The following RUBCN variants were observed in gnomAD, a reference collection of about 807,000 sequenced individuals.
RUBCN encodes the protein rubicon autophagy regulator, also known as run domain Beclin-1-interacting and cysteine-rich domain-containing protein.
In RUBCN, 74 loss-of-function variants were observed where a neutral mutation model predicts 113.2. The ratio of observed to expected loss-of-function variants is 0.65; its 90% confidence interval spans 0.54 to 0.79. The LOEUF (loss-of-function observed/expected upper bound fraction) is 0.79, where lower values mean the gene tolerates loss of function less well. Among genes scored for constraint, RUBCN ranks in the 30% least tolerant of loss-of-function variants. RUBCN has a pLI of 0.00. For missense variants in RUBCN, 1,109 were observed against 1,251.7 expected (o/e 0.89, Z 1.72); for synonymous variants, 480 against 490.0 (o/e 0.98, Z 0.27).
chr3:197,697,165 G>A (rs1723105974), intron 7 of RUBCN, 116 bp from the exon 8 acceptor site: 1 of 682,658 alleles, frequency 1.5e-6, no homozygotes, highest in South Asian at 1.5e-5. Context: ...TCCCAAGCAG[G>A]AGAGAGGCGG....
intron 1 of RUBCN, among the ~76,000 whole-genome samples, chr3:197,726,543 G>A (rs997561423): frequency 1.4e-5 from 2 of 145,086 alleles, no homozygotes; most frequent in Admixed American, 7.0e-5. Context: ...ACCGCGTCCA[G>A]CCTATTTTAT....
chr3:197,725,825 C>CTCCTTAG (rs1329115064), intron 1 of RUBCN, among the ~76,000 whole-genome samples: 2 of 152,174 alleles, frequency 1.3e-5, no homozygotes, highest in Admixed American at 6.5e-5. Flanking sequence ...AACCTAACCA[C>CTCCTTAG]CAACAAACTC....
At chr3:197,713,040 G>C (rs1725131638) in intron 2 of RUBCN, among the ~76,000 whole-genome samples, 1 of 152,022 alleles carries the variant, frequency 6.6e-6, no homozygotes, top group South Asian at 2.1e-4. Flanking sequence ...TGTATTTTCA[G>C]TAGAGATGGG....
chr3:197,697,184 C>T (rs185040902), intron 7 of RUBCN, 135 bp from the exon 8 acceptor site: 10 of 669,884 alleles, frequency 1.5e-5, no homozygotes, highest in African/African-American at 7.1e-5. Context: ...GGCACACCAA[C>T]GGAACAGCCC....
At chr3:197,686,426 G>A (rs572740148) in intron 11 of RUBCN, among the ~76,000 whole-genome samples, 2 of 152,180 alleles carry the variant, frequency 1.3e-5, no homozygotes, top group African/African-American at 2.4e-5. Context: ...AGCTTCGGAG[G>A]CAAGGCTCTG....
chr3:197,701,586 C>G, intron 6 of RUBCN, 122 bp downstream of exon 6: 2 of 807,244 alleles, frequency 2.5e-6, no homozygotes, highest in Admixed American at 4.2e-5. Context: ...GTAAAGATGT[C>G]CCTTATTAAG....
At chr3:197,699,391 T>C (rs77070468) in intron 7 of RUBCN, among the ~76,000 whole-genome samples, 4,258 of 152,326 alleles carry the variant, frequency 0.028, 120 homozygotes, top group African/African-American at 0.073. Flanking sequence ...CAAGAAGCTG[T>C]GCGTGACCCA....
chr3:197,691,158 A>G (rs549538435), intron 11 of RUBCN: 7 of 1,256,312 alleles, frequency 5.6e-6, no homozygotes, highest in East Asian at 1.1e-4. Context: ...TCTGTGTAAT[A>G]ATGATGATAA....
intron 1 of RUBCN, among the ~76,000 whole-genome samples, chr3:197,721,882 T>C (rs936082838): frequency 1.3e-5 from 2 of 152,178 alleles, no homozygotes; most frequent in African/African-American, 4.8e-5. Flanking sequence ...TTCCACATAT[T>C]TGTATAGTTT....
chr3:197,721,951 T>G (rs536722338), intron 1 of RUBCN, among the ~76,000 whole-genome samples: 1 of 152,150 alleles, frequency 6.6e-6, no homozygotes, highest in Non-Finnish European at 1.5e-5. Context: ...CAAAAGATAC[T>G]TGAATGGCCG....
chr3:197,679,854 AC>A (rs1176186273), intron 16 of RUBCN, among the ~76,000 whole-genome samples: 2 of 139,486 alleles, frequency 1.4e-5, no homozygotes, highest in African/African-American at 5.4e-5. Flanking sequence ...AGACTGTCCT[AC>A]GCTCTGACAA....
intron 6 of RUBCN, 37 bp from the exon 7 acceptor site, chr3:197,701,183 T>C: frequency 2.0e-6 from 3 of 1,482,034 alleles, no homozygotes; most frequent in Middle Eastern, 1.9e-4. Flanking sequence ...GGAGCAAGGG[T>C]GAGGTGGAAT....
At chr3:197,708,914 G>A (rs555173896) in intron 2 of RUBCN, among the ~76,000 whole-genome samples, 104 of 152,240 alleles carry the variant, frequency 6.8e-4, no homozygotes, top group African/African-American at 2.4e-3. Context: ...ATTTTCAGAA[G>A]TTAGGGGAAA....
At chr3:197,731,675 C>G (rs1357545480) in intron 1 of RUBCN, among the ~76,000 whole-genome samples, 1 of 151,420 alleles carries the variant, frequency 6.6e-6, no homozygotes, top group Non-Finnish European at 1.5e-5. Flanking sequence ...CAGAGGGGCT[C>G]CTCACTTCCC....
rs1721559624 is a variant in RUBCN at position 197,684,074 on chromosome 3, C to T, written c.1847+83G>A. On this transcript the variant is annotated intron_variant, in intron 12 of 19. Coordinates refer to ENST00000296343, the MANE Select transcript of RUBCN (RefSeq NM_014687.4). ...CCTCTTACATCTGGATGGCTTTGCCCAGCCATACACCAAGAACTGGGTTTG... is the reference window on the plus strand; with the variant it reads ...CCTCTTACATCTGGATGGCTTTGCCTAGCCATACACCAAGAACTGGGTTTG... 3.6e-6 allele frequency: 4 copies of T among 1,108,438 alleles called. No individual in the cohort carries two copies. The South Asian group carries it at 5.0e-5, about 14-fold the overall frequency. 68.7% of individuals were successfully genotyped at this position (1,108,438 alleles called of 1,614,324 possible). A position where few individuals can be genotyped will look rare whatever the true frequency, so the allele number is the denominator to read the frequency against.
Position 197,684,222 on chromosome 3 carries a change from A to G in RUBCN, c.1787-5T>C, listed in dbSNP as rs1222043027. ...TGTTCCTTCTGATGTCAGCATCTACATGGAAACCAGAGATAAGGGGAGCGC... is the reference window on the plus strand; with the variant it reads ...TGTTCCTTCTGATGTCAGCATCTACGTGGAAACCAGAGATAAGGGGAGCGC... On this transcript the variant is annotated splice_polypyrimidine_tract_variant and splice_region_variant and intron_variant, in intron 11 of 19. Coordinates refer to ENST00000296343, the MANE Select transcript of RUBCN (RefSeq NM_014687.4). The G allele has an allele frequency of 5.0e-6, 8 of 1,612,844 alleles. No individual in the cohort carries two copies. Among genetic ancestry groups the G allele is most frequent in the Admixed American group, 1.7e-5 (1 of 60,020 alleles).
At chr3:197,749,436 C>G (rs1728907242) in exon 1 of RUBCN, 1 of 1,229,914 alleles carries the variant, frequency 8.1e-7, no homozygotes, top group East Asian at 6.0e-5. Context: ...TCAGATGCGG[C>G]AGCTCAGCGC....
intron 11 of RUBCN, among the ~76,000 whole-genome samples, chr3:197,690,032 A>G (rs1232794462): frequency 6.6e-6 from 1 of 152,226 alleles, no homozygotes; most frequent in Non-Finnish European, 1.5e-5. Flanking sequence ...TAGCTCCCAC[A>G]TATGAGTGAG....
chr3:197,692,259 C>T (rs1722505002), intron 11 of RUBCN, among the ~76,000 whole-genome samples: 3 of 152,042 alleles, frequency 2.0e-5, no homozygotes, highest in South Asian at 4.2e-4. Context: ...CATCAATGCA[C>T]CTGGGAGGGT....
Sources: gnomAD v4.1 joint callset for allele counts (sites outside exome capture counted in the v4.1 genomes callset) on GRCh38, gnomAD v4.1.1 for gene constraint, MANE v1.5 for transcripts, NCBI Gene and HGNC (gene_info 2026-07-23, HGNC 2026-07-21) for gene names.